The following SEPTIN4 variants were observed in gnomAD, a reference collection of about 807,000 sequenced individuals.
SEPTIN4 encodes the protein septin 4.
A neutral mutation model predicts 107.1 loss-of-function variants in SEPTIN4; 52 were observed. That is an observed-to-expected ratio of 0.49 (90% CI 0.39 to 0.61). The LOEUF is 0.61. SEPTIN4 is among the 20% of genes least tolerant of loss of function. The probability of loss-of-function intolerance (pLI) is 0.00; values close to 1 mark genes in which losing one functional copy is unlikely to be tolerated. For missense variants in SEPTIN4, 1,048 were observed against 1,243.5 expected (o/e 0.84, Z 2.36); for synonymous variants, 417 against 467.0 (o/e 0.89, Z 1.38).
chr17:58,540,790 A>C, intron 2 of SEPTIN4, 117 bp from the exon 3 acceptor site: 3 of 1,112,482 alleles, frequency 2.7e-6, no homozygotes, highest in Non-Finnish European at 3.5e-6. Flanking sequence ...ACTTGGGCAA[A>C]CCTGGCCCAA....
chr17:58,523,197 C>T (rs915971871), intron 7 of SEPTIN4, among the ~76,000 whole-genome samples: 1 of 151,884 alleles, frequency 6.6e-6, no homozygotes, highest in Non-Finnish European at 1.5e-5. Flanking sequence ...CATAGCGAGA[C>T]CCCCATCTCT....
intron 7 of SEPTIN4, chr17:58,524,855 A>T: frequency 1.8e-6 from 1 of 560,448 alleles, no homozygotes; most frequent in South Asian, 2.1e-5. Context: ...CCCATTATAG[A>T]ATCATAGGGC....
At chr17:58,541,999 C>T (rs1190468687) in intron 1 of SEPTIN4, 33 bp from the exon 2 acceptor site, 1 of 1,608,484 alleles carries the variant, frequency 6.2e-7, no homozygotes, top group Non-Finnish European at 8.5e-7. Context: ...TGCTTTTCTT[C>T]TCTCTGTGGG....
At position 58,520,635 on chromosome 17, in the gene SEPTIN4, A is replaced by T; in HGVS notation, c.2931+108T>A. 3 of 1,533,208 alleles carry T rather than the reference A, an allele frequency of 2.0e-6. No homozygotes were observed. In the African/African-American group the frequency reaches 4.1e-5, roughly 21 times the overall value. 95.0% of individuals were successfully genotyped at this position (1,533,208 alleles called of 1,614,324 possible). On this transcript the variant is annotated intron_variant, in intron 13 of 13. Coordinates refer to ENST00000672673, the MANE Select transcript of SEPTIN4 (RefSeq NM_001368771.2). ...GACAGAACCACCTATTGACCTATCC[A>T]GGACCCAAATATGCACCAGAGCCAG... is the stretch of plus-strand genomic sequence containing the variant.
At chr17:58,527,004 A>G (rs1274849304) in intron 3 of SEPTIN4, 26 bp from the exon 4 acceptor site, 1 of 1,613,804 alleles carries the variant, frequency 6.2e-7, no homozygotes, top group Non-Finnish European at 8.5e-7. Context: ...TGGGTAGAAT[A>G]GATGGGTGGT....
At chr17:58,522,237 CT>C in intron 7 of SEPTIN4, 136 bp from the exon 8 acceptor site, 1 of 1,184,728 alleles carries the variant, frequency 8.4e-7, no homozygotes, top group Non-Finnish European at 1.2e-6. Context: ...TTTACTAAAT[CT>C]TTAGAGAAAT....
At chr17:58,527,853 G>A (rs913008105) in intron 3 of SEPTIN4, 6 of 985,644 alleles carry the variant, frequency 6.1e-6, no homozygotes, top group African/African-American at 3.5e-5. Flanking sequence ...GGCAGTGCAC[G>A]AGAGGGCCTG....
At chr17:58,527,166 G>A (rs761198376) in intron 3 of SEPTIN4, 188 bp from the exon 4 acceptor site, 10 of 1,024,208 alleles carry the variant, frequency 9.8e-6, no homozygotes, top group Admixed American at 1.7e-5. Context: ...CTGCTCACAA[G>A]CCTCCCCAAT....
intron 3 of SEPTIN4, among the ~76,000 whole-genome samples, chr17:58,536,864 T>C (rs543618445): frequency 1.3e-5 from 2 of 152,336 alleles, no homozygotes; most frequent in East Asian, 3.9e-4. Flanking sequence ...ACAGATTTAC[T>C]TCCTCACCCA....
At chr17:58,531,358 G>A (rs1044435311) in intron 3 of SEPTIN4, 4 of 152,524 alleles carry the variant, frequency 2.6e-5, no homozygotes, top group South Asian at 4.1e-4. Flanking sequence ...GGGGCAGAAG[G>A]ATATAGCTAA....
chr17:58,523,156 G>C (rs1252190397), intron 7 of SEPTIN4, among the ~76,000 whole-genome samples: 2 of 152,084 alleles, frequency 1.3e-5, no homozygotes, highest in African/African-American at 4.8e-5. Flanking sequence ...CTGATCACTT[G>C]AGCCCAGGAG....
intron 3 of SEPTIN4, chr17:58,529,210 G>C: frequency 2.5e-6 from 4 of 1,614,122 alleles, no homozygotes; most frequent in Non-Finnish European, 3.4e-6. Flanking sequence ...GAAAGCTCTA[G>C]GTCTAATTTT....
At chr17:58,539,039 G>A (rs935117352) in intron 3 of SEPTIN4, 2 of 995,100 alleles carry the variant, frequency 2.0e-6, no homozygotes, top group Non-Finnish European at 2.8e-6. Flanking sequence ...CATGCCGGCT[G>A]AGGGACAGGC....
chr17:58,533,365 T>A (rs534086086), intron 3 of SEPTIN4, among the ~76,000 whole-genome samples: 1 of 152,280 alleles, frequency 6.6e-6, no homozygotes, highest in Non-Finnish European at 1.5e-5. Context: ...TTTCCATACC[T>A]GAAAATGAGG....
At position 58,538,497 on chromosome 17, in the gene SEPTIN4, A is replaced by C. The variant is rs2043790393; in HGVS notation, c.1614+2169T>G. 6.6e-6 allele frequency among the ~76,000 whole-genome samples: 1 copy of C among 152,176 alleles called. No individual in the cohort carries two copies. Among genetic ancestry groups the C allele is most frequent in the African/African-American group, 2.4e-5 (1 of 41,440 alleles). ...ATCTTGGGGCTAACACACCCTGTCC[A>C]TCAAAGGCATTGCAGCCCCTCCCAT... is the stretch of plus-strand genomic sequence containing the variant. On this transcript the variant is annotated intron_variant, in intron 3 of 13. Transcript: ENST00000672673. The surrounding 1 kb of genome is among the most constrained non-coding windows in gnomAD (Gnocchi z 4.7).
chr17:58,529,488 C>T (rs1320707033), intron 3 of SEPTIN4: 3 of 1,268,532 alleles, frequency 2.4e-6, no homozygotes, highest in East Asian at 7.4e-5. Flanking sequence ...TGACGCCTGC[C>T]TGCTGCCTAC....
chr17:58,523,320 T>G (rs1296783681), intron 7 of SEPTIN4, among the ~76,000 whole-genome samples: 5 of 148,562 alleles, frequency 3.4e-5, no homozygotes, highest in African/African-American at 1.3e-4. Flanking sequence ...GGGAGGTGGT[T>G]GATCAGGCCA....
At chr17:58,540,962 G>A (rs1026492401) in intron 2 of SEPTIN4, 2 of 341,174 alleles carry the variant, frequency 5.9e-6, no homozygotes, top group Non-Finnish European at 1.1e-5. Context: ...TGAGGAAACT[G>A]AGGCTTGGAG....
At position 58,525,164 on chromosome 17, in the gene SEPTIN4, T is replaced by C. The variant is rs1446405852; in HGVS notation, c.2130A>G (p.Ala710=). ...TCACACCCTTCTCTTCTATGTCCAC[T>C]GCATGCTTAGTGATCTCCACAGTTT... is the stretch of plus-strand genomic sequence containing the variant. The part of the protein sequence containing the change: ...IMQTVEITKH[A]VDIEEKGVRL... Residue 710 remains alanine (A), a synonymous_variant, in exon 7 of 14, where the codon GCA becomes GCG. Transcript: ENST00000672673. The C allele has an allele frequency of 6.2e-7, 1 of 1,614,180 alleles. No homozygotes were observed. The highest frequency in any genetic ancestry group is 8.5e-7 in the Non-Finnish European group (1 of 1,180,026).
Sources: allele counts gnomAD v4.1 joint callset (sites outside exome capture counted in the v4.1 genomes callset), GRCh38; gene constraint gnomAD v4.1.1; non-coding constraint Gnocchi (gnomAD v3.1); transcripts MANE v1.5; gene names NCBI Gene and HGNC (gene_info 2026-07-23, HGNC 2026-07-21).